Variants in RAB22A observed in about 807,000 individuals in gnomAD.
RAB22A encodes RAB22A, member RAS oncogene family, also known as ras-related protein Rab-22A.
In RAB22A, 13 loss-of-function variants were observed where a neutral mutation model predicts 30.2. That is an observed-to-expected ratio of 0.43 (90% CI 0.28 to 0.68). The LOEUF (loss-of-function observed/expected upper bound fraction) is 0.68, where lower values mean the gene tolerates loss of function less well. RAB22A is among the 30% of genes least tolerant of loss of function. The probability of loss-of-function intolerance (pLI) is 0.18; values close to 1 mark genes in which losing one functional copy is unlikely to be tolerated. For synonymous variants in RAB22A, 89 were observed against 87.2 expected, an observed-to-expected ratio of 1.02 and a Z score of -0.11; for missense variants, 177 against 246.8, an observed-to-expected ratio of 0.72 and a Z score of 1.89.
Position 58,361,392 on chromosome 20 carries a change from A to G in RAB22A, c.*1689A>G, listed in dbSNP as rs899274312. The G allele has an allele frequency of 1.3e-5, 2 of 152,306 alleles. No individual in the cohort carries two copies. Among genetic ancestry groups the G allele is most frequent in the Non-Finnish European group, 2.9e-5 (2 of 68,016 alleles). 9.4% of individuals were successfully genotyped at this position (152,306 alleles called of 1,614,324 possible). A position where few individuals can be genotyped will look rare whatever the true frequency, so the allele number is the denominator to read the frequency against. On this transcript the variant is annotated 3_prime_UTR_variant, in exon 7 of 7. Transcript: ENST00000244040. ...AAAACAATTCCCTTTTCCCTGTTGTATATCTTAAGCATTTGGAATTTTTTT... is the reference window on the plus strand; with the variant it reads ...AAAACAATTCCCTTTTCCCTGTTGTGTATCTTAAGCATTTGGAATTTTTTT...
chr20:58,353,169 G>A, intron 3 of RAB22A, 104 bp from the exon 4 acceptor site: 1 of 1,099,574 alleles, frequency 9.1e-7, no homozygotes. Flanking sequence ...CTTGGCTTAA[G>A]AGAAAGATTA....
chr20:58,318,213 G>T (rs969398294), intron 2 of RAB22A, among the ~76,000 whole-genome samples: 11 of 152,132 alleles, frequency 7.2e-5, no homozygotes, highest in African/African-American at 2.7e-4. Flanking sequence ...AAAATTATTT[G>T]TATCAAAGCA....
chr20:58,324,754 C>G (rs190343329), intron 2 of RAB22A, among the ~76,000 whole-genome samples: 305 of 150,280 alleles, frequency 2.0e-3, no homozygotes, highest in African/African-American at 7.3e-3. Context: ...GTAGTCCCAG[C>G]TACTCAGGAG....
rs914059693 is a variant in RAB22A at position 58,360,451 on chromosome 20, T to C, written c.*748T>C. On this transcript the variant is annotated 3_prime_UTR_variant, in exon 7 of 7. Coordinates refer to ENST00000244040, the MANE Select transcript of RAB22A (RefSeq NM_020673.3). ...CCGGAATAAACTGAATTTCATATGTTCTAAAATGACTAGCAATGGTTTAAA... is the reference window on the plus strand; with the variant it reads ...CCGGAATAAACTGAATTTCATATGTCCTAAAATGACTAGCAATGGTTTAAA... The C allele has an allele frequency of 6.6e-6, 1 of 152,590 alleles. No individual in the cohort carries two copies. Among genetic ancestry groups the C allele is most frequent in the African/African-American group, 2.4e-5 (1 of 41,426 alleles). The allele number at this position is 152,590 out of a possible 1,614,324, so 9.5% of individuals were successfully genotyped here.
intron 1 of RAB22A, 87 bp downstream of exon 1, chr20:58,310,099 C>T: frequency 8.4e-7 from 1 of 1,189,082 alleles, no homozygotes; most frequent in Non-Finnish European, 1.1e-6. Context: ...CATCCCTTCC[C>T]CCCTCCCACG....
At chr20:58,320,749 G>A (rs897673550) in intron 2 of RAB22A, among the ~76,000 whole-genome samples, 1 of 152,014 alleles carries the variant, frequency 6.6e-6, no homozygotes, top group Non-Finnish European at 1.5e-5. Context: ...TTCAAGTATC[G>A]ATTTCTAGCT....
chr20:58,334,731 CTTTT>C (rs11475299), intron 2 of RAB22A, among the ~76,000 whole-genome samples: 1 of 134,458 alleles, frequency 7.4e-6, no homozygotes, highest in African/African-American at 2.7e-5. Flanking sequence ...CAACTTTGTA[CTTTT>C]TTTTTTTTTT....
rs1053993580 is a variant in RAB22A at position 58,361,979 on chromosome 20, G to C, written c.*2276G>C. 1 of 152,048 alleles carries C rather than the reference G, an allele frequency of 6.6e-6. No homozygotes were observed. Among genetic ancestry groups the C allele is most frequent in the Non-Finnish European group, 1.5e-5 (1 of 68,006 alleles). The allele number at this position is 152,048 out of a possible 1,614,324, so 9.4% of individuals were successfully genotyped here. The stretch of plus-strand genomic sequence containing the variant: ...GGGTCCATCTCATCAGCCCTTTGCT[G>C]ATTTCATGATTTCTCACCCTCCCTC... On this transcript the variant is annotated 3_prime_UTR_variant, in exon 7 of 7. Transcript: ENST00000244040.
intron 6 of RAB22A, among the ~76,000 whole-genome samples, chr20:58,359,184 A>G (rs1169840615): frequency 1.3e-5 from 2 of 152,134 alleles, no homozygotes; most frequent in East Asian, 1.9e-4. Context: ...AACAAATCCT[A>G]TGTATTACCT....
rs1987205933 is a variant in RAB22A, at chr20:58,360,397, G to A, written c.*694G>A. On this transcript the variant is annotated 3_prime_UTR_variant, in exon 7 of 7. Coordinates refer to ENST00000244040, the MANE Select transcript of RAB22A (RefSeq NM_020673.3). Reference sequence around the variant, plus strand: ...GGCACCTTTTTAAATAAGCTCTCATGATCAAGATGGTGATGGTAGAGAAGC... The same window carrying A: ...GGCACCTTTTTAAATAAGCTCTCATAATCAAGATGGTGATGGTAGAGAAGC... 6.6e-6 allele frequency: 1 copy of A among 152,600 alleles called. No homozygotes were observed. Among genetic ancestry groups the A allele is most frequent in the South Asian group, 2.1e-4 (1 of 4,828 alleles). The allele number at this position is 152,600 out of a possible 1,614,324, so 9.5% of individuals were successfully genotyped here.
At chr20:58,338,303 G>T (rs776079819) in intron 2 of RAB22A, among the ~76,000 whole-genome samples, 1 of 152,156 alleles carries the variant, frequency 6.6e-6, no homozygotes, top group Non-Finnish European at 1.5e-5. Flanking sequence ...TGGGATTACA[G>T]GCTTGAGCCA....
At chr20:58,332,613 A>G (rs1029172469) in intron 2 of RAB22A, among the ~76,000 whole-genome samples, 4 of 152,188 alleles carry the variant, frequency 2.6e-5, no homozygotes, top group Non-Finnish European at 4.4e-5. Context: ...AAGACATCCA[A>G]AATCTGTAAG....
chr20:58,355,434 T>C (rs1430455071), intron 6 of RAB22A, among the ~76,000 whole-genome samples: 2 of 152,172 alleles, frequency 1.3e-5, no homozygotes, highest in Non-Finnish European at 2.9e-5. Flanking sequence ...TTCAGAGTAC[T>C]TTGCAGGCCT....
intron 2 of RAB22A, among the ~76,000 whole-genome samples, chr20:58,317,992 A>G (rs1046300118): frequency 7.2e-5 from 11 of 152,206 alleles, no homozygotes; most frequent in African/African-American, 2.7e-4. Context: ...AGTAGCTAGG[A>G]CAACAATAGC....
At chr20:58,342,689 G>A (rs980117339) in intron 2 of RAB22A, among the ~76,000 whole-genome samples, 2 of 150,576 alleles carry the variant, frequency 1.3e-5, no homozygotes, top group African/African-American at 2.4e-5. Flanking sequence ...CTTGGTTCCA[G>A]AAGTCTTATT....
In RAB22A at chr20:58,366,780, T is replaced by C. The variant is rs1370566161; in HGVS notation, c.*7077T>C. On this transcript the variant is annotated 3_prime_UTR_variant, in exon 7 of 7. Coordinates refer to ENST00000244040, the MANE Select transcript of RAB22A (RefSeq NM_020673.3). ...GTTTTGGTTTTTTGTTTTGTTTTGT[T>C]TTACCATTGGTAATAAGATAGTTAA... 6.6e-6 allele frequency: 1 copy of C among 152,282 alleles called. No homozygotes were observed. The highest frequency in any genetic ancestry group is 6.5e-5 in the Admixed American group (1 of 15,288). 9.4% of individuals were successfully genotyped at this position (152,282 alleles called of 1,614,324 possible).
At chr20:58,345,988 C>G (rs944407082) in intron 3 of RAB22A, 1 of 152,498 alleles carries the variant, frequency 6.6e-6, no homozygotes. Flanking sequence ...GGACAAGTAA[C>G]CACATCGCCA....
At chr20:58,328,670 A>G (rs539501839) in intron 2 of RAB22A, among the ~76,000 whole-genome samples, 4 of 152,256 alleles carry the variant, frequency 2.6e-5, no homozygotes, top group African/African-American at 4.8e-5. Flanking sequence ...GGATTTCCCA[A>G]ACCAGCCCTA....
chr20:58,322,189 G>A (rs1231945219), intron 2 of RAB22A, among the ~76,000 whole-genome samples: 1 of 151,960 alleles, frequency 6.6e-6, no homozygotes, highest in Non-Finnish European at 1.5e-5. Flanking sequence ...AATTCTACTT[G>A]GTCTGATATT....
Sources: gnomAD v4.1 joint callset for allele counts (sites outside exome capture counted in the v4.1 genomes callset) on GRCh38, gnomAD v4.1.1 for gene constraint, MANE v1.5 for transcripts, NCBI Gene and HGNC (gene_info 2026-07-23, HGNC 2026-07-21) for gene names.